PTBP1: variants seen among roughly 807,000 people sequenced by gnomAD.
PTBP1 encodes the protein polypyrimidine tract-binding protein 1.
In PTBP1, 8 loss-of-function variants were observed where a neutral mutation model predicts 59.8. The observed-to-expected ratio is 0.13, with a 90% CI of 0.08 to 0.24. The LOEUF is 0.24. Among genes scored for constraint, PTBP1 ranks in the 10% least tolerant of loss-of-function variants. The pLI is 1.00. For synonymous variants in PTBP1, 490 were observed against 320.7 expected (o/e 1.53, Z -5.64); for missense variants, 686 against 767.0 (o/e 0.89, Z 1.25).
chr19:808,473 C>T lies in PTBP1; in HGVS notation c.1246+21C>T, dbSNP rs367698817. On this transcript the variant is annotated intron_variant, in intron 12 of 14. Coordinates refer to ENST00000356948, the MANE Select transcript of PTBP1 (RefSeq NM_002819.5). This position sits in a 1 kb window ranked among gnomAD's most constrained non-coding sequence, Gnocchi z 4.7. ...GCTGGGTAAGAGGCCGGGGCGGCCC[C>T]GGGGTGGAGGGGGCAGGGGCGGGGG... is the stretch of plus-strand genomic sequence containing the variant. 475 of 1,550,174 alleles carry T rather than the reference C, an allele frequency of 3.1e-4. No individual in the cohort carries two copies. The African/African-American group carries it at 4.7e-3, about 15-fold the overall frequency.
intron 2 of PTBP1, among the ~76,000 whole-genome samples, chr19:801,878 G>A (rs2034351880): frequency 6.6e-6 from 1 of 152,184 alleles, no homozygotes; most frequent in African/African-American, 2.4e-5. Context: ...GGGGGCCCCA[G>A]ACTCTGAAAG....
At chr19:805,654 T>A (rs576994973) in intron 9 of PTBP1, 85 bp downstream of exon 9, 6 of 1,134,934 alleles carry the variant, frequency 5.3e-6, no homozygotes, top group Non-Finnish European at 8.0e-6. Context: ...GGCGGCAGCC[T>A]GGGCGGACTG....
rs1233803847 is a variant in PTBP1 at position 799,499 on chromosome 19, C to T, written c.39+56C>T. ...CGCTCCTCTGACCTTGTGCCGACCC[C>T]GGGGGCCACCCCCCAGCGCTGTTGC... On this transcript the variant is annotated intron_variant, in intron 2 of 14. Coordinates refer to ENST00000356948, the MANE Select transcript of PTBP1 (RefSeq NM_002819.5). The T allele has an allele frequency of 7.0e-6, 11 of 1,569,208 alleles. No individual in the cohort carries two copies. In the African/African-American group the frequency reaches 1.1e-4, roughly 15 times the overall value.
chr19:804,272 G>A lies in PTBP1; in HGVS notation c.289-20G>A, dbSNP rs779619131. ...CAGGCGGGGACGAGGAGGGCCCAGCGCTCACTGCCTCCCCAACAGGCCTTC... is the reference window on the plus strand; with the variant it reads ...CAGGCGGGGACGAGGAGGGCCCAGCACTCACTGCCTCCCCAACAGGCCTTC... On this transcript the variant is annotated intron_variant, in intron 4 of 14. Transcript: ENST00000356948. 5.0e-6 allele frequency: 8 copies of A among 1,613,036 alleles called. No individual in the cohort carries two copies. The Admixed American group carries it at 6.7e-5, about 13-fold the overall frequency.
At chr19:803,999 G>A (rs367791986) in intron 3 of PTBP1, 37 bp from the exon 4 acceptor site, 38 of 1,612,306 alleles carry the variant, frequency 2.4e-5, no homozygotes, top group South Asian at 1.9e-4. Context: ...GGGCTCCTGC[G>A]AGTTGGTGCC....
chr19:805,265 G>A (rs1460335373), intron 8 of PTBP1, 78 bp downstream of exon 8: 4 of 1,520,962 alleles, frequency 2.6e-6, no homozygotes, highest in Non-Finnish European at 3.6e-6. Flanking sequence ...CGGCGGCACG[G>A]GCCCGGCCCT....
In PTBP1 at chr19:797,464, C is replaced by G. The variant is rs370747866; in HGVS notation, c.-34C>G. The G allele has an allele frequency of 1.0e-5, 16 of 1,598,360 alleles. No homozygotes were observed. The African/African-American group carries it at 1.8e-4, about 18-fold the overall frequency. On this transcript the variant is annotated 5_prime_UTR_variant, in exon 1 of 15. Transcript: ENST00000356948. ...GTCGGTTCCTGCTATTCCGGCGCCT[C>G]CACTCCGTCCCCCGCGGGTCTGCTC...
At position 808,583 on chromosome 19, in the gene PTBP1, G is replaced by C. The variant is rs201414173; in HGVS notation, c.1284G>C (p.Lys428Asn). The change falls in exon 13 of 15, where the codon AAG becomes AAC. Residue 428 changes from lysine to asparagine, a missense_variant. By Grantham distance (94) the Lys-to-Asn change is moderately conservative (BLOSUM62 0). Transcript: ENST00000356948. The surrounding 1 kb of genome is among the most constrained non-coding windows in gnomAD (Gnocchi z 4.7). Reference sequence around the variant, plus strand: ...TGAACGGGCACAAGCTGCACGGGAAGCCCATCCGCATCACGCTCTCGAAGC... The same window carrying C: ...TGAACGGGCACAAGCTGCACGGGAACCCCATCCGCATCACGCTCTCGAAGC... ...SHLNGHKLHG[K>N]PIRITLSKHQ... 6.2e-7 allele frequency: 1 copy of C among 1,604,486 alleles called. No homozygotes were observed. Among genetic ancestry groups the C allele is most frequent in the African/African-American group, 1.3e-5 (1 of 74,560 alleles).
At chr19:810,109 C>G (rs1205432930) in intron 13 of PTBP1, among the ~76,000 whole-genome samples, 1 of 152,158 alleles carries the variant, frequency 6.6e-6, no homozygotes, top group Non-Finnish European at 1.5e-5. Context: ...GAGTTCAAGA[C>G]CAACCTGGCC....
At chr19:800,533 G>A (rs1399150725) in intron 2 of PTBP1, among the ~76,000 whole-genome samples, 1 of 152,156 alleles carries the variant, frequency 6.6e-6, no homozygotes, top group Non-Finnish European at 1.5e-5. Context: ...CTTGTGCCCC[G>A]AGAGCCTCCC....
intron 1 of PTBP1, among the ~76,000 whole-genome samples, chr19:798,844 C>T (rs908463413): frequency 1.3e-5 from 2 of 152,192 alleles, no homozygotes; most frequent in African/African-American, 2.4e-5. Context: ...GGGCGGGGCT[C>T]GGGTTGATCA....
At chr19:802,973 C>T (rs1445801010) in intron 2 of PTBP1, among the ~76,000 whole-genome samples, 1 of 152,244 alleles carries the variant, frequency 6.6e-6, no homozygotes, top group African/African-American at 2.4e-5. Flanking sequence ...GGCCGTGTCT[C>T]TAGTCCTCAG....
chr19:805,993 C>T (rs1370098671), intron 9 of PTBP1: 2 of 256,418 alleles, frequency 7.8e-6, no homozygotes, highest in Non-Finnish European at 7.4e-6. Context: ...GACCGGGGCC[C>T]GGCCGCCCCA....
At position 805,424 on chromosome 19, in the gene PTBP1, C is replaced by T. The variant is rs570584380; in HGVS notation, c.893-68C>T. On this transcript the variant is annotated intron_variant, in intron 8 of 14. Transcript: ENST00000356948. ...GCCCGCCGGCCGGGTTGGGGCCCAT[C>T]CCGCAGCACAGCGCCCGCTCGCGGT... The T allele has an allele frequency of 3.3e-4, 481 of 1,473,946 alleles. 2 individuals are homozygous for T. The African/African-American group carries it at 6.1e-3, about 19-fold the overall frequency. 91.3% of individuals were successfully genotyped at this position (1,473,946 alleles called of 1,614,324 possible).
intron 2 of PTBP1, among the ~76,000 whole-genome samples, chr19:799,940 A>T (rs990458199): frequency 6.6e-6 from 1 of 151,620 alleles, no homozygotes; most frequent in African/African-American, 2.4e-5. Flanking sequence ...TTTGTTTTTT[A>T]TTTTTGAGAT....
intron 9 of PTBP1, 196 bp from the exon 10 acceptor site, chr19:806,212 C>T (rs1355689702): frequency 1.3e-5 from 7 of 528,444 alleles, no homozygotes; most frequent in African/African-American, 2.0e-5. Context: ...TGAGGAGAGG[C>T]GGGCGCTGGT....
rs993304427 is a variant in PTBP1, at chr19:800,191, C to T, written c.39+748C>T. On this transcript the variant is annotated intron_variant, in intron 2 of 14. Coordinates refer to ENST00000356948, the MANE Select transcript of PTBP1 (RefSeq NM_002819.5). The stretch of plus-strand genomic sequence containing the variant: ...ACAGGTGATGCACCCCCCTTGGCCT[C>T]CCACAGTGCTGGGATTACAGTTGTG... Among the ~76,000 whole-genome samples the T allele has an allele frequency of 2.6e-5, 4 of 151,944 alleles. No individual in the cohort carries two copies. In the East Asian group the frequency reaches 5.8e-4, roughly 22 times the overall value.
chr19:797,634 T>G (rs1363781426), intron 1 of PTBP1, 129 bp downstream of exon 1: 2 of 504,802 alleles, frequency 4.0e-6, no homozygotes, highest in Non-Finnish European at 5.8e-6. Flanking sequence ...GCTCTCCCCT[T>G]CCTCTCCGCG....
rs2145042394 is a variant in PTBP1, at chr19:810,909, AC to A, written c.*85del. The A allele has an allele frequency of 1.6e-6, 2 of 1,265,106 alleles. No individual in the cohort carries two copies. Among genetic ancestry groups the A allele is most frequent in the East Asian group, 5.4e-5 (2 of 36,876 alleles). The allele number at this position is 1,265,106 out of a possible 1,614,324, so 78.4% of individuals were successfully genotyped here. A position where few individuals can be genotyped will look rare whatever the true frequency, so the allele number is the denominator to read the frequency against. ...AGCCACTTTAAAAACAGCTGAAGTG[AC>A]CTTAGCAGACCAGAGATTTTATTTT... On this transcript the variant is annotated 3_prime_UTR_variant, in exon 15 of 15. Transcript: ENST00000356948.
Sources: gnomAD v4.1 joint callset for allele counts (sites outside exome capture counted in the v4.1 genomes callset) on GRCh38, gnomAD v4.1.1 for gene constraint, Gnocchi (gnomAD v3.1) non-coding constraint, MANE v1.5 for transcripts, NCBI Gene and HGNC (gene_info 2026-07-23, HGNC 2026-07-21) for gene names.